Variants in MYL11 observed in about 807,000 individuals in gnomAD.
MYL11 encodes myosin light chain 11, also known as myosin regulatory light chain 11.
the MYL11 span, chr16:30,376,442 TGAG>T: frequency 8.7e-6 from 14 of 1,613,798 alleles, no homozygotes; most frequent in Non-Finnish European, 1.0e-5. Flanking sequence ...ATGTGAAGAA[TGAG>T]GAGTTGGATG....
the MYL11 span, chr16:30,375,760 G>T: frequency 5.0e-6 from 7 of 1,390,934 alleles, no homozygotes; most frequent in South Asian, 8.3e-5. Context: ...TTAATCCATT[G>T]CCCCCAGAGA....
chr16:30,375,926 C>T, the MYL11 span: 39 of 1,612,396 alleles, frequency 2.4e-5, no homozygotes, highest in Admixed American at 8.4e-5. Context: ...GGTGAGGGGA[C>T]GGGGAAACTG....
chr16:30,374,298 C>T, the MYL11 span, among the ~76,000 whole-genome samples: 9 of 149,258 alleles, frequency 6.0e-5, no homozygotes, highest in Non-Finnish European at 1.3e-4. Context: ...GCCTGGGAGA[C>T]AGAGCGAGAC....
At chr16:30,376,302 G>C in the MYL11 span, 75 of 1,562,252 alleles carry the variant, frequency 4.8e-5, no homozygotes, top group Non-Finnish European at 6.3e-5. Context: ...AGCCCTGTCA[G>C]CTCCACCTTG....
chr16:30,374,326 A>G, the MYL11 span, among the ~76,000 whole-genome samples: 7 of 151,624 alleles, frequency 4.6e-5, no homozygotes, highest in African/African-American at 1.7e-4. Context: ...AAAAAAAAAA[A>G]AGGGAGACAG....
the MYL11 span, chr16:30,375,890 C>A: frequency 1.0e-4 from 168 of 1,613,982 alleles, no homozygotes; most frequent in Non-Finnish European, 1.4e-4. Flanking sequence ...TTCGACCAGA[C>A]TCAGATCCAG....
the MYL11 span, chr16:30,377,591 T>C: frequency 5.7e-6 from 8 of 1,403,486 alleles, no homozygotes; most frequent in Non-Finnish European, 7.5e-6. Flanking sequence ...GGGGATGAGG[T>C]GCGAGGGAGT....
the MYL11 span, chr16:30,374,867 G>A: frequency 6.7e-5 from 108 of 1,613,382 alleles, no homozygotes; most frequent in Admixed American, 4.2e-4. Flanking sequence ...CATGGTGAGT[G>A]AGAATCCTCC....
the MYL11 span, chr16:30,376,683 C>A: frequency 1.2e-6 from 2 of 1,613,846 alleles, no homozygotes; most frequent in Non-Finnish European, 1.7e-6. Context: ...GGAAAGGGCA[C>A]CATCAAGAAG....
At chr16:30,373,175 G>A in the MYL11 span, among the ~76,000 whole-genome samples, 5 of 152,266 alleles carry the variant, frequency 3.3e-5, no homozygotes, top group East Asian at 1.9e-4. Context: ...TTGGCTCGGC[G>A]CGGTGGCTCA....
the MYL11 span, chr16:30,376,432 A>G: frequency 5.0e-5 from 80 of 1,613,352 alleles, no homozygotes; most frequent in East Asian, 6.7e-5. Flanking sequence ...GGCCGCCTCA[A>G]TGTGAAGAAT....
chr16:30,377,800 A>G, the MYL11 span: 1 of 1,614,070 alleles, frequency 6.2e-7, no homozygotes, highest in East Asian at 2.2e-5. Flanking sequence ...CCCCAGATCA[A>G]GAACATGTGG....
At chr16:30,377,810 G>C in the MYL11 span, 1 of 1,614,114 alleles carries the variant, frequency 6.2e-7, no homozygotes, top group Non-Finnish European at 8.5e-7. Flanking sequence ...AGAACATGTG[G>C]GCGGCCTTCC....
At chr16:30,376,040 T>C in the MYL11 span, 1 of 1,485,156 alleles carries the variant, frequency 6.7e-7, no homozygotes, top group Middle Eastern at 1.8e-4. Context: ...CTGCTTGGGG[T>C]GGAAGAGGAC....
chr16:30,375,927 G>A, the MYL11 span: 14 of 1,612,438 alleles, frequency 8.7e-6, no homozygotes, highest in South Asian at 5.5e-5. Flanking sequence ...GTGAGGGGAC[G>A]GGGAAACTGG....
chr16:30,374,400 G>A, the MYL11 span, among the ~76,000 whole-genome samples: 5 of 151,836 alleles, frequency 3.3e-5, no homozygotes, highest in African/African-American at 1.2e-4. Flanking sequence ...TCCTGCCTCA[G>A]CTTCCCAAAG....
the MYL11 span, chr16:30,374,778 A>G: frequency 6.4e-7 from 1 of 1,565,648 alleles, no homozygotes; most frequent in Non-Finnish European, 8.7e-7. Context: ...GGACTATATA[A>G]CCCCAGAGGG....
At chr16:30,376,493 C>A in the MYL11 span, 1 of 1,614,132 alleles carries the variant, frequency 6.2e-7, no homozygotes, top group Non-Finnish European at 8.5e-7. Flanking sequence ...TCAACTTCAC[C>A]GTCTTCCTGA....
the MYL11 span, chr16:30,376,230 C>G: frequency 6.2e-7 from 1 of 1,613,076 alleles, no homozygotes; most frequent in Non-Finnish European, 8.5e-7. Flanking sequence ...GGTGAGCCCC[C>G]TACCCCCAGG....
Sources: gnomAD v4.1 joint callset for allele counts (sites outside exome capture counted in the v4.1 genomes callset) on GRCh38, gnomAD v4.1.1 for gene constraint, MANE v1.5 for transcripts, NCBI Gene and HGNC (gene_info 2026-07-23, HGNC 2026-07-21) for gene names.